ZBTB8OS: variants seen among roughly 807,000 people sequenced by gnomAD.
ZBTB8OS encodes the protein tRNA splicing ligase complex subunit 1, also known as tRNA-splicing ligase-activating factor archease.
In ZBTB8OS, 16 loss-of-function variants were observed where a neutral mutation model predicts 29.3. That is an observed-to-expected ratio of 0.55 (90% CI 0.37 to 0.83). The LOEUF (loss-of-function observed/expected upper bound fraction) is 0.83, where lower values mean the gene tolerates loss of function less well. Among genes scored for constraint, ZBTB8OS ranks in the 40% least tolerant of loss-of-function variants. The pLI is 0.00. For synonymous variants in ZBTB8OS, 70 were observed against 64.6 expected (o/e 1.08, Z -0.40); for missense variants, 160 against 196.9 (o/e 0.81, Z 1.12).
chr1:32,630,630 T>G (rs952491313), intron 5 of ZBTB8OS, among the ~76,000 whole-genome samples: 1 of 152,084 alleles, frequency 6.6e-6, no homozygotes, highest in Non-Finnish European at 1.5e-5. Context: ...TTGTCCCAGC[T>G]ACTCAGGAGG....
chr1:32,649,821 C>T (rs1480272828), intron 1 of ZBTB8OS, among the ~76,000 whole-genome samples: 1 of 152,068 alleles, frequency 6.6e-6, no homozygotes. Flanking sequence ...TGCTCCACCA[C>T]GCCCAGCTAA....
Position 32,621,673 on chromosome 1 carries a change from T to G in ZBTB8OS, c.*189A>C. 2 of 557,946 alleles carry G rather than the reference T, an allele frequency of 3.6e-6. No individual in the cohort carries two copies. The highest frequency in any genetic ancestry group is 4.5e-5 in the South Asian group (2 of 44,918). The allele number at this position is 557,946 out of a possible 1,614,324, so 34.6% of individuals were successfully genotyped here. A position where few individuals can be genotyped will look rare whatever the true frequency, so the allele number is the denominator to read the frequency against. ...GAAGAATTCTTTAAAGTGTGAATAT[T>G]TGGGGAACACAGACCAAGGCTGTGC... On this transcript the variant is annotated 3_prime_UTR_variant, in exon 7 of 7. Coordinates refer to ENST00000468695, the MANE Select transcript of ZBTB8OS (RefSeq NM_178547.5).
intron 5 of ZBTB8OS, among the ~76,000 whole-genome samples, chr1:32,630,337 A>C (rs1452060473): frequency 6.6e-6 from 1 of 151,672 alleles, no homozygotes; most frequent in African/African-American, 2.4e-5. Flanking sequence ...GGTTGCAGCG[A>C]GCCAAGACTG....
intron 6 of ZBTB8OS, among the ~76,000 whole-genome samples, chr1:32,625,456 C>T (rs1354239009): frequency 3.3e-5 from 5 of 152,118 alleles, no homozygotes; most frequent in African/African-American, 1.2e-4. Flanking sequence ...ATCGCTTGAA[C>T]CTGGGAGGCG....
At chr1:32,625,005 C>G (rs1193771679) in intron 6 of ZBTB8OS, among the ~76,000 whole-genome samples, 1 of 151,962 alleles carries the variant, frequency 6.6e-6, no homozygotes, top group African/African-American at 2.4e-5. Flanking sequence ...GGGTGGATCA[C>G]CTGAGGTCGG....
intron 1 of ZBTB8OS, among the ~76,000 whole-genome samples, chr1:32,643,427 C>T (rs761900864): frequency 6.6e-5 from 10 of 151,622 alleles, no homozygotes; most frequent in Non-Finnish European, 1.5e-4. Context: ...TGGGTTCTCA[C>T]TGTCTACCAA....
intron 1 of ZBTB8OS, among the ~76,000 whole-genome samples, chr1:32,644,621 C>T (rs1370382415): frequency 1.4e-5 from 2 of 146,380 alleles, no homozygotes; most frequent in Non-Finnish European, 3.0e-5. Flanking sequence ...CAACCTTGAA[C>T]GCCTGAGCTC....
chr1:32,640,241 C>A (rs1235502896), intron 1 of ZBTB8OS, among the ~76,000 whole-genome samples: 1 of 152,064 alleles, frequency 6.6e-6, no homozygotes, highest in Admixed American at 6.6e-5. Context: ...GGATTACAGG[C>A]GCACGCCACC....
intron 1 of ZBTB8OS, among the ~76,000 whole-genome samples, chr1:32,641,422 C>T (rs1478056044): frequency 3.3e-5 from 5 of 149,852 alleles, no homozygotes; most frequent in South Asian, 4.2e-4. Context: ...TACAGGGATG[C>T]ACCTCCACGC....
At chr1:32,645,800 A>AT (rs1646785935) in intron 1 of ZBTB8OS, among the ~76,000 whole-genome samples, 1 of 152,128 alleles carries the variant, frequency 6.6e-6, no homozygotes, top group African/African-American at 2.4e-5. Flanking sequence ...CCAACCACTG[A>AT]TTTTGTACCA....
At chr1:32,640,535 G>A (rs1646313652) in intron 1 of ZBTB8OS, among the ~76,000 whole-genome samples, 1 of 151,914 alleles carries the variant, frequency 6.6e-6, no homozygotes, top group South Asian at 2.1e-4. Flanking sequence ...TCTTTTTTGA[G>A]ACGGAGTCTC....
At chr1:32,631,162 C>A (rs1645523614) in intron 5 of ZBTB8OS, among the ~76,000 whole-genome samples, 1 of 151,790 alleles carries the variant, frequency 6.6e-6, no homozygotes, top group South Asian at 2.1e-4. Context: ...TTGAGACCAG[C>A]CTGGGCAACA....
chr1:32,647,418 C>G (rs1250875989), intron 1 of ZBTB8OS, among the ~76,000 whole-genome samples: 1 of 136,572 alleles, frequency 7.3e-6, no homozygotes, highest in Non-Finnish European at 1.5e-5. Context: ...ACCTGGATGA[C>G]AAAGCGAGAC....
intron 1 of ZBTB8OS, among the ~76,000 whole-genome samples, chr1:32,639,482 G>T (rs1433131339): frequency 6.6e-6 from 1 of 152,018 alleles, no homozygotes; most frequent in Non-Finnish European, 1.5e-5. Context: ...AGATTTAACT[G>T]GTCATGGTGG....
intron 1 of ZBTB8OS, among the ~76,000 whole-genome samples, chr1:32,641,442 T>C (rs1297249624): frequency 6.7e-6 from 1 of 150,104 alleles, no homozygotes; most frequent in Non-Finnish European, 1.5e-5. Context: ...CCGGGCTAAT[T>C]TTGTATTTTT....
chr1:32,641,405 C>G (rs1485019896), intron 1 of ZBTB8OS, among the ~76,000 whole-genome samples: 1 of 149,148 alleles, frequency 6.7e-6, no homozygotes, highest in Non-Finnish European at 1.5e-5. Context: ...TCCTGAGTAG[C>G]TGGGATTACA....
At chr1:32,648,365 C>A (rs1647012496) in intron 1 of ZBTB8OS, among the ~76,000 whole-genome samples, 1 of 152,176 alleles carries the variant, frequency 6.6e-6, no homozygotes, top group South Asian at 2.1e-4. Context: ...ACAAAAAAAA[C>A]TTGGAGAACT....
chr1:32,647,266 CAAAAAAA>C (rs71006348), intron 1 of ZBTB8OS, among the ~76,000 whole-genome samples: 243 of 134,482 alleles, frequency 1.8e-3, no homozygotes, highest in East Asian at 8.2e-3. Flanking sequence ...TACTCTGTCT[CAAAAAAA>C]AAAAAAAAAA....
intron 1 of ZBTB8OS, among the ~76,000 whole-genome samples, chr1:32,639,691 T>G (rs1646254532): frequency 6.6e-6 from 1 of 151,998 alleles, no homozygotes. Flanking sequence ...CCTAGGAGCT[T>G]GGGCTGCAGT....
Sources: allele counts gnomAD v4.1 joint callset (sites outside exome capture counted in the v4.1 genomes callset), GRCh38; gene constraint gnomAD v4.1.1; transcripts MANE v1.5; gene names NCBI Gene and HGNC (gene_info 2026-07-23, HGNC 2026-07-21).